The following LRRFIP1 variants were observed in gnomAD, a reference collection of about 807,000 sequenced individuals.
The protein encoded by LRRFIP1 is leucine-rich repeat flightless-interacting protein 1.
In LRRFIP1, 62 loss-of-function variants were observed where a neutral mutation model predicts 104.4. The ratio of observed to expected loss-of-function variants is 0.59; its 90% confidence interval spans 0.48 to 0.73. The LOEUF (loss-of-function observed/expected upper bound fraction) is 0.73. LRRFIP1 is among the 30% of genes least tolerant of loss of function. The pLI is 0.00. For missense variants in LRRFIP1, 796 were observed against 824.5 expected (o/e 0.97, Z 0.42); for synonymous variants, 300 against 299.0 (o/e 1.00, Z -0.03).
chr2:237,717,651 A>C lies in LRRFIP1; in HGVS notation c.202-111A>C. 1 of 867,072 alleles carries C rather than the reference A, an allele frequency of 1.2e-6. No individual in the cohort carries two copies. Among genetic ancestry groups the C allele is most frequent in the Non-Finnish European group, 2.0e-6 (1 of 500,210 alleles). 53.7% of individuals were successfully genotyped at this position (867,072 alleles called of 1,614,324 possible). On this transcript the variant is annotated intron_variant, in intron 3 of 23. Transcript: ENST00000308482. This position sits in a 1 kb window ranked among gnomAD's most constrained non-coding sequence, Gnocchi z 4.2. ...TGCTTTGCCTTGGCGTGTTACCTTC[A>C]CCACACGGCTGGATGGCGGTTTGGA...
At chr2:237,774,015 C>T (rs1029472912) in intron 22 of LRRFIP1, 16 of 214,270 alleles carry the variant, frequency 7.5e-5, no homozygotes, top group Non-Finnish European at 1.3e-4. Context: ...GAGGTCGTGG[C>T]GGAACACGTC....
In LRRFIP1 at chr2:237,661,522, C is replaced by T. The variant is rs914513141; in HGVS notation, c.96+33782C>T. ...AATCCCTTTCCTTCCACCTCGCTCTCGGCCCCTGGTTCACCTTCTGTTCCT... is the reference window on the plus strand; with the variant it reads ...AATCCCTTTCCTTCCACCTCGCTCTTGGCCCCTGGTTCACCTTCTGTTCCT... On this transcript the variant is annotated intron_variant, in intron 1 of 23. Transcript: ENST00000308482. The surrounding 1 kb of genome is among the most constrained non-coding windows in gnomAD (Gnocchi z 4.4). Among the ~76,000 whole-genome samples the T allele has an allele frequency of 6.6e-6, 1 of 152,258 alleles. No homozygotes were observed. Among genetic ancestry groups the T allele is most frequent in the Non-Finnish European group, 1.5e-5 (1 of 68,040 alleles).
At position 237,772,951 on chromosome 2, in the gene LRRFIP1, T is replaced by A; in HGVS notation, c.1707+6T>A. 6.2e-7 allele frequency: 1 copy of A among 1,608,080 alleles called. No individual in the cohort carries two copies. The highest frequency in any genetic ancestry group is 1.1e-5 in the South Asian group (1 of 90,916). ...TAACTGCATTAGAACAAAATGTACGTGTAAGCAACAACGGGCAGAACTGAT... is the reference window on the plus strand; with the variant it reads ...TAACTGCATTAGAACAAAATGTACGAGTAAGCAACAACGGGCAGAACTGAT... On this transcript the variant is annotated splice_donor_region_variant and intron_variant, in intron 22 of 23. Transcript: ENST00000308482.
At chr2:237,652,135 C>T (rs1161576017) in intron 1 of LRRFIP1, among the ~76,000 whole-genome samples, 1 of 152,204 alleles carries the variant, frequency 6.6e-6, no homozygotes. Context: ...CAGTGGCGCC[C>T]CCACTCTCTG....
intron 19 of LRRFIP1, chr2:237,763,366 T>C (rs145041617): frequency 2.5e-6 from 4 of 1,613,656 alleles, no homozygotes; most frequent in African/African-American, 1.3e-5. Context: ...AAGAGCCCGA[T>C]GAAGAAAAGA....
chr2:237,727,677 C>T (rs2094813820), intron 7 of LRRFIP1, among the ~76,000 whole-genome samples, 199 bp from the exon 8 acceptor site: 1 of 152,232 alleles, frequency 6.6e-6, no homozygotes, highest in Admixed American at 6.5e-5. Flanking sequence ...GACTGCTGTT[C>T]CCTCCTGAGC....
At chr2:237,697,057 G>T (rs896896593) in intron 1 of LRRFIP1, among the ~76,000 whole-genome samples, 1 of 152,144 alleles carries the variant, frequency 6.6e-6, no homozygotes, top group Admixed American at 6.5e-5. Flanking sequence ...AGTCGTGCTT[G>T]ATTGCCCAGG....
chr2:237,779,094 C>T (rs1409056997), intron 23 of LRRFIP1, among the ~76,000 whole-genome samples: 1 of 152,020 alleles, frequency 6.6e-6, no homozygotes, highest in Non-Finnish European at 1.5e-5. Flanking sequence ...TGGTGGCGCA[C>T]ACCTGTAGTC....
rs375878110 is a variant in LRRFIP1, at chr2:237,723,545, C to A, written c.346-3C>A. Reference sequence around the variant, plus strand: ...TTTTTTTCTGCCATCTTTCTTCTGACAGTCGCAGCCTGACTTGGAGTATGG... The same window carrying A: ...TTTTTTTCTGCCATCTTTCTTCTGAAAGTCGCAGCCTGACTTGGAGTATGG... On this transcript the variant is annotated splice_region_variant and splice_polypyrimidine_tract_variant and intron_variant, in intron 6 of 23. Transcript: ENST00000308482. 292 of 1,612,368 alleles carry A rather than the reference C, an allele frequency of 1.8e-4. No individual in the cohort carries two copies. Among genetic ancestry groups the A allele is most frequent in the Non-Finnish European group, 2.2e-4 (264 of 1,179,102 alleles).
intron 11 of LRRFIP1, among the ~76,000 whole-genome samples, chr2:237,745,325 A>G (rs1346950119): frequency 6.6e-6 from 1 of 152,236 alleles, no homozygotes; most frequent in African/African-American, 2.4e-5. Context: ...TATGTAAAAT[A>G]GAGATAGGTT....
intron 13 of LRRFIP1, among the ~76,000 whole-genome samples, chr2:237,750,079 G>C (rs56147814): frequency 1.3e-5 from 2 of 152,102 alleles, no homozygotes; most frequent in African/African-American, 4.8e-5. Context: ...CTTTAAACTA[G>C]GTTTAAAAGG....
chr2:237,685,465 A>T (rs1465193121), intron 1 of LRRFIP1, among the ~76,000 whole-genome samples: 3 of 152,208 alleles, frequency 2.0e-5, no homozygotes, highest in Non-Finnish European at 4.4e-5. Context: ...ACTGGGACAC[A>T]TACAGCTCTG....
intron 1 of LRRFIP1, among the ~76,000 whole-genome samples, chr2:237,685,115 C>T (rs56239760): frequency 1.4e-3 from 37 of 25,682 alleles, no homozygotes; most frequent in African/African-American, 2.5e-3. Context: ...CCCTCCCCCC[C>T]CCACACAAAA....
chr2:237,708,022 A>G (rs2093898605), intron 1 of LRRFIP1, among the ~76,000 whole-genome samples: 1 of 152,224 alleles, frequency 6.6e-6, no homozygotes, highest in African/African-American at 2.4e-5. Flanking sequence ...AGCCAGCCCT[A>G]TGGCCTCAGA....
intron 1 of LRRFIP1, among the ~76,000 whole-genome samples, chr2:237,664,956 A>G (rs2088903176): frequency 6.6e-6 from 1 of 152,244 alleles, no homozygotes; most frequent in Non-Finnish European, 1.5e-5. Context: ...AACTCAATGT[A>G]GGGTTTTCTT....
intron 1 of LRRFIP1, among the ~76,000 whole-genome samples, chr2:237,662,230 G>A (rs1308809742): frequency 6.6e-6 from 1 of 152,148 alleles, no homozygotes; most frequent in African/African-American, 2.4e-5. Context: ...TTGTGTCTCT[G>A]TGTGCAAATT....
intron 1 of LRRFIP1, among the ~76,000 whole-genome samples, chr2:237,672,202 C>T (rs1250406254): frequency 6.6e-6 from 1 of 152,018 alleles, no homozygotes; most frequent in Non-Finnish European, 1.5e-5. Flanking sequence ...CAATATTGGC[C>T]TGTACCAAGC....
At chr2:237,770,081 C>T in intron 20 of LRRFIP1, 89 bp downstream of exon 20, 2 of 1,037,746 alleles carry the variant, frequency 1.9e-6, no homozygotes, top group South Asian at 1.4e-5. Flanking sequence ...TCAGAAAACC[C>T]CTAAGTTAAT....
intron 23 of LRRFIP1, among the ~76,000 whole-genome samples, chr2:237,775,308 G>A (rs1376262642): frequency 6.6e-6 from 1 of 152,244 alleles, no homozygotes; most frequent in African/African-American, 2.4e-5. Context: ...CAAAGGATCA[G>A]CACGTGCAGG....
Sources: allele counts gnomAD v4.1 joint callset (sites outside exome capture counted in the v4.1 genomes callset), GRCh38; gene constraint gnomAD v4.1.1; non-coding constraint Gnocchi (gnomAD v3.1); transcripts MANE v1.5; gene names NCBI Gene and HGNC (gene_info 2026-07-23, HGNC 2026-07-21).